MAGI2: variants seen among roughly 807,000 people sequenced by gnomAD.
The protein encoded by MAGI2 is membrane-associated guanylate kinase, WW and PDZ domain-containing protein 2.
Under a neutral mutation model 133.3 loss-of-function variants are expected in MAGI2, and 35 were observed. The ratio of observed to expected loss-of-function variants is 0.26; its 90% CI spans 0.20 to 0.35. MAGI2 has a LOEUF of 0.35. Among genes scored for constraint, MAGI2 ranks in the 10% least tolerant of loss-of-function variants. The pLI is 1.00. For synonymous variants in MAGI2, 729 were observed against 710.6 expected, an observed-to-expected ratio of 1.03 and a Z score of -0.41; for missense variants, 1,636 against 1,863.4, an observed-to-expected ratio of 0.88 and a Z score of 2.25.
intron 2 of MAGI2, among the ~76,000 whole-genome samples, chr7:78,879,400 A>G (rs1795672476): frequency 6.6e-6 from 1 of 152,158 alleles, no homozygotes; most frequent in Admixed American, 6.5e-5. Context: ...CCATCAGTGC[A>G]ATCTACTGGC....
chr7:78,588,503 A>G (rs1584754273), intron 3 of MAGI2, among the ~76,000 whole-genome samples: 1 of 152,180 alleles, frequency 6.6e-6, no homozygotes, highest in Non-Finnish European at 1.5e-5. Context: ...AAACCAGGCA[A>G]CCTTCCGAGA....
intron 1 of MAGI2, among the ~76,000 whole-genome samples, chr7:79,436,155 A>G (rs1450638771): frequency 6.6e-6 from 1 of 151,122 alleles, no homozygotes; most frequent in Admixed American, 6.6e-5. Context: ...GTCCTGAAAC[A>G]CGGAGGTTTC....
chr7:78,279,401 G>C (rs539246447), intron 9 of MAGI2, among the ~76,000 whole-genome samples: 1 of 151,794 alleles, frequency 6.6e-6, no homozygotes, highest in Non-Finnish European at 1.5e-5. Context: ...TGTATGCTGT[G>C]TGTGTGTATT....
Position 79,234,098 on chromosome 7 carries a change from T to C in MAGI2, c.301+218922A>G, listed in dbSNP as rs1276771946. ...TGAAATTCTGGGTTGAAAATTCTTT[T>C]CTTTAAGAATGTTGAATATTGGCCC... On this transcript the variant is annotated intron_variant, in intron 1 of 21. Transcript: ENST00000354212. 2.1e-5 allele frequency among the ~76,000 whole-genome samples: 3 copies of C among 141,426 alleles called. No individual in the cohort carries two copies. The East Asian group carries it at 6.2e-4, about 29-fold the overall frequency. 92.8% of individuals were successfully genotyped at this position (141,426 alleles called of 152,430 possible).
At chr7:78,539,772 C>T (rs1245786195) in intron 3 of MAGI2, among the ~76,000 whole-genome samples, 3 of 152,170 alleles carry the variant, frequency 2.0e-5, no homozygotes, top group African/African-American at 7.2e-5. Context: ...GCCATGGATA[C>T]CAACACCTGC....
chr7:78,149,387 C>T (rs952705726), intron 16 of MAGI2, among the ~76,000 whole-genome samples: 5 of 152,088 alleles, frequency 3.3e-5, no homozygotes, highest in Admixed American at 1.3e-4. Flanking sequence ...GTATAAATTC[C>T]GCTAGGATAT....
intron 3 of MAGI2, among the ~76,000 whole-genome samples, chr7:78,596,008 T>A (rs1804554884): frequency 2.0e-5 from 3 of 152,176 alleles, no homozygotes; most frequent in Non-Finnish European, 4.4e-5. Flanking sequence ...ATTGAGAATT[T>A]TCCCTATGAT....
At chr7:79,191,514 C>T (rs549431017) in intron 1 of MAGI2, among the ~76,000 whole-genome samples, 26 of 136,788 alleles carry the variant, frequency 1.9e-4, no homozygotes, top group Non-Finnish European at 3.4e-4. Flanking sequence ...AACTCTTGGG[C>T]TCAAGTGATC....
chr7:79,186,740 T>TAG (rs1449171009), intron 1 of MAGI2, among the ~76,000 whole-genome samples: 1 of 124,162 alleles, frequency 8.1e-6, no homozygotes, highest in African/African-American at 2.8e-5. Context: ...TATATATATA[T>TAG]TTATACAAAA....
chr7:78,432,506 A>G (rs1799892494), intron 6 of MAGI2, among the ~76,000 whole-genome samples: 1 of 151,988 alleles, frequency 6.6e-6, no homozygotes, highest in Non-Finnish European at 1.5e-5. Flanking sequence ...CAAATGTCCT[A>G]AAACGTGTCT....
chr7:78,227,006 C>T (rs1789456770), intron 10 of MAGI2, among the ~76,000 whole-genome samples: 1 of 152,100 alleles, frequency 6.6e-6, no homozygotes, highest in African/African-American at 2.4e-5. Context: ...TTTTGTGGGA[C>T]AGCATCATTA....
At chr7:78,388,767 T>C (rs1377074111) in intron 6 of MAGI2, among the ~76,000 whole-genome samples, 1 of 152,122 alleles carries the variant, frequency 6.6e-6, no homozygotes, top group Non-Finnish European at 1.5e-5. Flanking sequence ...AATATACACA[T>C]AAATGACTAT....
intron 9 of MAGI2, among the ~76,000 whole-genome samples, chr7:78,292,027 C>G (rs1355931432): frequency 1.2e-4 from 18 of 152,258 alleles, no homozygotes; most frequent in Non-Finnish European, 2.4e-4. Flanking sequence ...TGGCACAAGA[C>G]AGGGATGCCC....
At chr7:78,156,946 T>G (rs756056600) in intron 16 of MAGI2, among the ~76,000 whole-genome samples, 10 of 152,136 alleles carry the variant, frequency 6.6e-5, no homozygotes, top group Non-Finnish European at 1.5e-4. Flanking sequence ...GGAATGATCG[T>G]GATTCTTAAG....
intron 6 of MAGI2, among the ~76,000 whole-genome samples, chr7:78,469,185 C>T (rs1790941295): frequency 6.6e-6 from 1 of 152,064 alleles, no homozygotes; most frequent in African/African-American, 2.4e-5. Context: ...TATTAATTTC[C>T]ATATGAAAAT....
chr7:78,979,284 C>T (rs149319375), intron 2 of MAGI2, among the ~76,000 whole-genome samples: 62 of 151,744 alleles, frequency 4.1e-4, no homozygotes, highest in African/African-American at 1.5e-3. Flanking sequence ...CTGATTGGGG[C>T]AGGAATTATA....
chr7:78,359,634 A>G (rs923258872), intron 7 of MAGI2, among the ~76,000 whole-genome samples: 8 of 152,328 alleles, frequency 5.3e-5, no homozygotes, highest in South Asian at 2.1e-4. Flanking sequence ...CCTTCTTTCC[A>G]TAACACTCAC....
chr7:78,563,917 A>C (rs547165394), intron 3 of MAGI2, among the ~76,000 whole-genome samples: 1 of 152,118 alleles, frequency 6.6e-6, no homozygotes, highest in Non-Finnish European at 1.5e-5. Context: ...AGTCTGTAAG[A>C]CTCTTAAATT....
chr7:79,388,412 G>C (rs1844351235), intron 1 of MAGI2, among the ~76,000 whole-genome samples: 2 of 151,794 alleles, frequency 1.3e-5, no homozygotes, highest in Non-Finnish European at 2.9e-5. Context: ...TGTTAACTGG[G>C]TTTATTTTAT....
Sources: gnomAD v4.1 joint callset for allele counts (sites outside exome capture counted in the v4.1 genomes callset) on GRCh38, gnomAD v4.1.1 for gene constraint, MANE v1.5 for transcripts, NCBI Gene and HGNC (gene_info 2026-07-23, HGNC 2026-07-21) for gene names.